Variants in SPAG16 observed in about 807,000 individuals in gnomAD.
SPAG16 encodes sperm-associated antigen 16 protein.
SPAG16 carries 86 observed loss-of-function variants against 80.4 expected under a neutral mutation model. The ratio of observed to expected loss-of-function variants is 1.07; its 90% CI spans 0.90 to 1.28. The LOEUF is 1.28. SPAG16 is among the 50% of genes most tolerant of loss of function. SPAG16 has a pLI of 0.00. For missense variants in SPAG16, 870 were observed against 765.3 expected, an observed-to-expected ratio of 1.14 and a Z score of -1.61; for synonymous variants, 294 against 265.9, an observed-to-expected ratio of 1.11 and a Z score of -1.03.
intron 10 of SPAG16, among the ~76,000 whole-genome samples, chr2:213,644,714 C>T (rs2062754724): frequency 6.6e-6 from 1 of 152,192 alleles, no homozygotes; most frequent in African/African-American, 2.4e-5. Flanking sequence ...CTCTTTCTCT[C>T]TCTCTCTGTT....
chr2:213,543,014 C>A (rs1283920940), intron 10 of SPAG16, among the ~76,000 whole-genome samples: 1 of 152,002 alleles, frequency 6.6e-6, no homozygotes, highest in Non-Finnish European at 1.5e-5. Flanking sequence ...AAAGAAGTTT[C>A]AAATTCAATA....
chr2:214,164,950 G>T (rs548334177), intron 15 of SPAG16, among the ~76,000 whole-genome samples: 1 of 152,056 alleles, frequency 6.6e-6, no homozygotes, highest in African/African-American at 2.4e-5. Context: ...TTATATTCTT[G>T]TATAAGGGCT....
chr2:214,076,513 CTGTGTGTG>C (rs71399105), intron 13 of SPAG16, among the ~76,000 whole-genome samples: 19,571 of 143,386 alleles, frequency 0.14, 1,727 homozygotes, highest in Non-Finnish European at 0.2. Flanking sequence ...TTATTTTATT[CTGTGTGTG>C]TGTGTGTGTG....
chr2:214,145,552 T>C (rs1395336102), intron 14 of SPAG16, among the ~76,000 whole-genome samples: 2 of 152,170 alleles, frequency 1.3e-5, no homozygotes, highest in African/African-American at 4.8e-5. Flanking sequence ...TCTTATGTTA[T>C]TCTACTCTCT....
At chr2:214,380,929 G>C (rs1700412878) in intron 15 of SPAG16, among the ~76,000 whole-genome samples, 1 of 152,208 alleles carries the variant, frequency 6.6e-6, no homozygotes, top group African/African-American at 2.4e-5. Context: ...TAAGGGAAAG[G>C]GGGTCCAATT....
intron 12 of SPAG16, among the ~76,000 whole-genome samples, chr2:213,949,623 G>C (rs1038734901): frequency 3.3e-5 from 5 of 152,160 alleles, no homozygotes; most frequent in Non-Finnish European, 5.9e-5. Flanking sequence ...GGTCATCAAA[G>C]CAAATAAGTT....
At chr2:213,383,628 G>A (rs969683200) in intron 9 of SPAG16, among the ~76,000 whole-genome samples, 2 of 152,072 alleles carry the variant, frequency 1.3e-5, no homozygotes, top group African/African-American at 4.8e-5. Context: ...TATTCTCCTG[G>A]CATTCCAAAC....
chr2:214,132,155 T>A (rs559715880), intron 14 of SPAG16, among the ~76,000 whole-genome samples: 23 of 152,222 alleles, frequency 1.5e-4, no homozygotes, highest in Non-Finnish European at 3.2e-4. Context: ...GTATAATTCT[T>A]GAAAGAGTTC....
rs138134891 is a variant in SPAG16 at position 214,017,780 on chromosome 2, C to T, written c.1527+3703C>T. Among the ~76,000 whole-genome samples the T allele has an allele frequency of 2.1e-3, 327 of 152,262 alleles. 5 individuals carry two copies. Among genetic ancestry groups the T allele is most frequent in the South Asian group, 0.012 (59 of 4,826 alleles). On this transcript the variant is annotated intron_variant, in intron 13 of 15. Coordinates refer to ENST00000331683, the MANE Select transcript of SPAG16 (RefSeq NM_024532.5). ...TAGAAGGGTTTGCAAGTCCCATTTG[C>T]ATGACTTTAATCAACATAAATATTT...
intron 9 of SPAG16, among the ~76,000 whole-genome samples, chr2:213,461,935 T>C (rs1199769432): frequency 6.6e-6 from 1 of 152,196 alleles, no homozygotes; most frequent in Non-Finnish European, 1.5e-5. Flanking sequence ...TATGTATGTG[T>C]AGTATTCTGC....
chr2:213,832,856 T>G (rs1170139753), intron 10 of SPAG16, among the ~76,000 whole-genome samples: 1 of 152,128 alleles, frequency 6.6e-6, no homozygotes. Context: ...TGCTTTTCTC[T>G]TGGTCACCTG....
intron 10 of SPAG16, among the ~76,000 whole-genome samples, chr2:213,765,971 A>G (rs549681443): frequency 1.4e-4 from 21 of 152,210 alleles, no homozygotes; most frequent in Non-Finnish European, 2.5e-4. Flanking sequence ...TGAATGTAAC[A>G]TTGACCTGGA....
intron 10 of SPAG16, among the ~76,000 whole-genome samples, chr2:213,678,870 G>T (rs756833409): frequency 6.6e-6 from 1 of 152,090 alleles, no homozygotes; most frequent in Non-Finnish European, 1.5e-5. Context: ...TACTCTTACC[G>T]TTTTGCCCCC....
At chr2:213,539,295 T>A (rs1392162416) in intron 10 of SPAG16, among the ~76,000 whole-genome samples, 1 of 152,198 alleles carries the variant, frequency 6.6e-6, no homozygotes, top group African/African-American at 2.4e-5. Flanking sequence ...ATACCGCCCC[T>A]CATGGACACC....
intron 10 of SPAG16, among the ~76,000 whole-genome samples, chr2:213,756,538 A>G (rs1324105423): frequency 6.6e-6 from 1 of 152,192 alleles, no homozygotes; most frequent in Non-Finnish European, 1.5e-5. Flanking sequence ...TTGCTTATAC[A>G]TCTTTGGTGT....
chr2:214,343,999 C>T (rs781115455), intron 15 of SPAG16, among the ~76,000 whole-genome samples: 6 of 152,098 alleles, frequency 3.9e-5, no homozygotes, highest in Non-Finnish European at 7.4e-5. Flanking sequence ...TTTTTGTTCT[C>T]TTACCTTAAT....
At chr2:213,572,310 C>T (rs898703516) in intron 10 of SPAG16, among the ~76,000 whole-genome samples, 3 of 83,534 alleles carry the variant, frequency 3.6e-5, no homozygotes, top group Admixed American at 1.3e-4. Context: ...GGAGGAGAGG[C>T]GCTCTGCGTT....
At chr2:213,851,022 AT>A (rs1281402024) in intron 10 of SPAG16, among the ~76,000 whole-genome samples, 2 of 152,174 alleles carry the variant, frequency 1.3e-5, no homozygotes, top group African/African-American at 4.8e-5. Context: ...ATTTGACTTT[AT>A]CCAACCTGAA....
rs73988583 is a variant in SPAG16, at chr2:213,669,392, G to T, written c.1070+179302G>T. On this transcript the variant is annotated intron_variant, in intron 10 of 15. Transcript: ENST00000331683. ...GTATTCCCTCTAAGGCAGCCTCTAA[G>T]AAAAGCATCATTTATCTTAGTTTAG... Among the ~76,000 whole-genome samples, 399 of 152,218 alleles carry T rather than the reference G, an allele frequency of 2.6e-3. 5 individuals are homozygous for T. Among genetic ancestry groups the T allele is most frequent in the African/African-American group, 8.8e-3 (367 of 41,546 alleles).
Sources: allele counts gnomAD v4.1 joint callset (sites outside exome capture counted in the v4.1 genomes callset), GRCh38; gene constraint gnomAD v4.1.1; transcripts MANE v1.5; gene names NCBI Gene and HGNC (gene_info 2026-07-23, HGNC 2026-07-21).